LMNTD1: variants seen among roughly 807,000 people sequenced by gnomAD.
The protein encoded by LMNTD1 is lamin tail domain containing 1, also known as lamin tail domain-containing protein 1.
LMNTD1 carries 35 observed loss-of-function variants against 50.9 expected under a neutral mutation model. The ratio of observed to expected loss-of-function variants is 0.69; its 90% CI spans 0.53 to 0.91. The LOEUF (loss-of-function observed/expected upper bound fraction) is 0.91. LMNTD1 is among the 40% of genes least tolerant of loss of function. The pLI is 0.00. For missense variants in LMNTD1, 470 were observed against 475.5 expected, an observed-to-expected ratio of 0.99 and a Z score of 0.11; for synonymous variants, 153 against 161.9, an observed-to-expected ratio of 0.94 and a Z score of 0.42.
rs1399941856 is a variant in LMNTD1, at chr12:25,546,561, A to G, written c.311-7T>C. The G allele has an allele frequency of 1.3e-5, 19 of 1,494,946 alleles. No homozygotes were observed. The highest frequency in any genetic ancestry group is 1.6e-5 in the Non-Finnish European group (18 of 1,116,900). The allele number at this position is 1,494,946 out of a possible 1,614,324, so 92.6% of individuals were successfully genotyped here. On this transcript the variant is annotated splice_region_variant and splice_polypyrimidine_tract_variant and intron_variant, in intron 3 of 9. Transcript: ENST00000458174. The stretch of plus-strand genomic sequence containing the variant: ...ACTGAGAAGGGGCTGGCATCTTTCA[A>G]GTAGACAGAAGAAAGAAGTAACCAG...
chr12:25,647,875 C>T (rs1332183699), intron 1 of LMNTD1, among the ~76,000 whole-genome samples: 1 of 152,156 alleles, frequency 6.6e-6, no homozygotes, highest in South Asian at 2.1e-4. Flanking sequence ...TGTCAAATAA[C>T]GTTCAAAATT....
At chr12:25,520,970 C>A (rs1029974940) in intron 6 of LMNTD1, among the ~76,000 whole-genome samples, 38 of 152,136 alleles carry the variant, frequency 2.5e-4, no homozygotes, top group African/African-American at 8.2e-4. Flanking sequence ...TGATGTTGAG[C>A]ATCTTTTAAT....
chr12:25,587,520 C>T (rs376077561), intron 1 of LMNTD1, among the ~76,000 whole-genome samples: 1 of 139,016 alleles, frequency 7.2e-6, no homozygotes, highest in African/African-American at 3.2e-5. Context: ...CTCACTCACT[C>T]TTGTGAGGAC....
chr12:25,582,696 T>A (rs1945344338), intron 1 of LMNTD1, among the ~76,000 whole-genome samples: 1 of 152,200 alleles, frequency 6.6e-6, no homozygotes, highest in African/African-American at 2.4e-5. Context: ...ATGTGAGAAA[T>A]CATCTGTATT....
intron 1 of LMNTD1, chr12:25,630,665 G>A (rs1321030986): frequency 6.6e-6 from 1 of 152,272 alleles, no homozygotes; most frequent in Non-Finnish European, 1.5e-5. Context: ...GGCCCCTTGA[G>A]CTTGCTGGGT....
At chr12:25,524,354 G>A (rs958883894) in intron 6 of LMNTD1, among the ~76,000 whole-genome samples, 2 of 152,032 alleles carry the variant, frequency 1.3e-5, no homozygotes, top group African/African-American at 4.8e-5. Context: ...AATATTTTCC[G>A]TATGGATCAA....
chr12:25,647,304 C>A (rs996588386), intron 1 of LMNTD1, among the ~76,000 whole-genome samples: 3 of 152,022 alleles, frequency 2.0e-5, no homozygotes, highest in Non-Finnish European at 4.4e-5. Flanking sequence ...GTCAACATGG[C>A]AAAACCTATC....
intron 1 of LMNTD1, among the ~76,000 whole-genome samples, chr12:25,602,139 A>G (rs1945993840): frequency 6.6e-6 from 1 of 151,920 alleles, no homozygotes; most frequent in African/African-American, 2.4e-5. Context: ...AAGAAGGGGT[A>G]CTGACTGGGC....
chr12:25,547,611 C>A (rs12578828), intron 3 of LMNTD1, among the ~76,000 whole-genome samples: 15,029 of 151,464 alleles, frequency 0.099, 889 homozygotes, highest in East Asian at 0.2. Flanking sequence ...GTTTTTAAAG[C>A]AGATTCCTCA....
chr12:25,599,077 AAAC>A (rs1945907273), intron 1 of LMNTD1, among the ~76,000 whole-genome samples: 1 of 152,102 alleles, frequency 6.6e-6, no homozygotes, highest in Non-Finnish European at 1.5e-5. Flanking sequence ...AAATGCCAGC[AAAC>A]AAACTTCAAC....
intron 1 of LMNTD1, among the ~76,000 whole-genome samples, chr12:25,558,750 C>A (rs143711228): frequency 0.012 from 1,753 of 152,192 alleles, 63 homozygotes; most frequent in South Asian, 0.064. Context: ...AGGGGAACTC[C>A]CTTTATAAAA....
chr12:25,580,393 C>T (rs1468657150), intron 1 of LMNTD1, among the ~76,000 whole-genome samples: 1 of 152,058 alleles, frequency 6.6e-6, no homozygotes, highest in East Asian at 1.9e-4. Flanking sequence ...TTGGTGGGTA[C>T]TTGTTCAGCA....
At position 25,508,944 on chromosome 12, in the gene LMNTD1, T is replaced by C. The variant is rs76158705; in HGVS notation, c.1190-5144A>G. 3.6e-3 allele frequency among the ~76,000 whole-genome samples: 553 copies of C among 152,312 alleles called. 3 individuals carry two copies. The highest frequency in any genetic ancestry group is 0.013 in the African/African-American group (538 of 41,566). On this transcript the variant is annotated intron_variant, in intron 8 of 9. Coordinates refer to ENST00000458174, the MANE Select transcript of LMNTD1 (RefSeq NM_001145728.2). ...GTGAATATTTTATCAAATGCTTTTA[T>C]TATTGAGGTGATTATATAATTTTCC...
chr12:25,523,543 A>G (rs1941495099), intron 6 of LMNTD1, among the ~76,000 whole-genome samples: 1 of 152,200 alleles, frequency 6.6e-6, no homozygotes. Flanking sequence ...TCATGATGAC[A>G]CTTTGAGTTC....
chr12:25,528,671 T>A (rs185759), intron 4 of LMNTD1, among the ~76,000 whole-genome samples: 1 of 151,960 alleles, frequency 6.6e-6, no homozygotes, highest in Non-Finnish European at 1.5e-5. Context: ...AAACAGACTC[T>A]CCTACAGCTG....
chr12:25,539,176 G>A (rs1427303261), intron 4 of LMNTD1, among the ~76,000 whole-genome samples: 4 of 143,938 alleles, frequency 2.8e-5, no homozygotes, highest in Admixed American at 7.0e-5. Flanking sequence ...GAGACAGAAA[G>A]TCAACAAGGA....
intron 8 of LMNTD1, among the ~76,000 whole-genome samples, chr12:25,514,867 A>G (rs975423594): frequency 6.6e-6 from 1 of 152,188 alleles, no homozygotes; most frequent in East Asian, 1.9e-4. Context: ...GTTACTAGTT[A>G]ATGTCCATCA....
chr12:25,608,669 C>T (rs1946175383), intron 1 of LMNTD1, among the ~76,000 whole-genome samples: 1 of 152,220 alleles, frequency 6.6e-6, no homozygotes, highest in South Asian at 2.1e-4. Context: ...CCCCCACTCT[C>T]TTGTGGCTTG....
intron 1 of LMNTD1, among the ~76,000 whole-genome samples, chr12:25,609,149 C>T (rs757912996): frequency 6.6e-6 from 1 of 152,160 alleles, no homozygotes; most frequent in Non-Finnish European, 1.5e-5. Flanking sequence ...GCATAGTTCT[C>T]GTGCCGTGGT....
Sources: allele counts gnomAD v4.1 joint callset (sites outside exome capture counted in the v4.1 genomes callset), GRCh38; gene constraint gnomAD v4.1.1; transcripts MANE v1.5; gene names NCBI Gene and HGNC (gene_info 2026-07-23, HGNC 2026-07-21).